Variants in PRKCQ observed in about 807,000 individuals in gnomAD.
The protein encoded by PRKCQ is protein kinase C theta, also known as protein kinase C theta type.
A neutral mutation model predicts 91.2 loss-of-function variants in PRKCQ; 41 were observed. The observed-to-expected ratio is 0.45, with a 90% confidence interval of 0.35 to 0.58. PRKCQ has a LOEUF of 0.58. PRKCQ is among the 20% of genes least tolerant of loss of function. The pLI is 0.00. For synonymous variants in PRKCQ, 307 were observed against 316.9 expected (o/e 0.97, Z 0.33); for missense variants, 673 against 896.5 (o/e 0.75, Z 3.18).
intron 12 of PRKCQ, among the ~76,000 whole-genome samples, chr10:6,477,198 CT>C (rs1836315355): frequency 6.6e-6 from 1 of 152,206 alleles, no homozygotes; most frequent in African/African-American, 2.4e-5. Flanking sequence ...TACTTTGTGT[CT>C]GCCTTCTGAT....
intron 1 of PRKCQ, among the ~76,000 whole-genome samples, chr10:6,533,622 C>G (rs898990476): frequency 4.8e-4 from 73 of 152,210 alleles, no homozygotes; most frequent in African/African-American, 1.6e-3. Flanking sequence ...TCTCCCAGCC[C>G]TAATAGGTAT....
At chr10:6,449,840 A>G (rs1192829768) in intron 15 of PRKCQ, among the ~76,000 whole-genome samples, 1 of 152,238 alleles carries the variant, frequency 6.6e-6, no homozygotes, top group African/African-American at 2.4e-5. Flanking sequence ...ACTAAGCTTC[A>G]TAAGTGAAGG....
At chr10:6,525,781 T>G (rs1839177002) in intron 1 of PRKCQ, among the ~76,000 whole-genome samples, 1 of 152,198 alleles carries the variant, frequency 6.6e-6, no homozygotes, top group African/African-American at 2.4e-5. Flanking sequence ...GAGGGGGATC[T>G]GCTGGAGGCC....
intron 8 of PRKCQ, among the ~76,000 whole-genome samples, chr10:6,487,819 GAA>G (rs1457828638): frequency 6.6e-6 from 1 of 151,954 alleles, no homozygotes; most frequent in Admixed American, 6.6e-5. Context: ...CCAACATGGT[GAA>G]ACCTCATCTC....
At chr10:6,535,268 C>T (rs761572638) in intron 1 of PRKCQ, among the ~76,000 whole-genome samples, 5 of 152,138 alleles carry the variant, frequency 3.3e-5, no homozygotes, top group Non-Finnish European at 7.4e-5. Flanking sequence ...ATCAGGAGTT[C>T]CATATGTGGA....
At chr10:6,428,956 A>C (rs890148841) in intron 17 of PRKCQ, among the ~76,000 whole-genome samples, 1 of 152,224 alleles carries the variant, frequency 6.6e-6, no homozygotes, top group Non-Finnish European at 1.5e-5. Flanking sequence ...TGGCAAAAAA[A>C]CCAAAACCAA....
rs538269471 is a variant in PRKCQ, at chr10:6,526,962, T to C, written c.-9-11818A>G. Among the ~76,000 whole-genome samples, 92 of 152,238 alleles carry C rather than the reference T, an allele frequency of 6.0e-4. 1 individual carries two copies. Among genetic ancestry groups the C allele is most frequent in the African/African-American group, 2.0e-3 (85 of 41,548 alleles). ...GAAGGACCCTGGCAGCGTGCAGGGA[T>C]TCCGATATCTCTTGATGGGATGTAC... On this transcript the variant is annotated intron_variant, in intron 1 of 17. Transcript: ENST00000263125.
Position 6,479,124 on chromosome 10 carries a change from T to C in PRKCQ, c.1221A>G (p.Ala407=), listed in dbSNP as rs898480598. 3 of 1,614,026 alleles carry C rather than the reference T, an allele frequency of 1.9e-6. No homozygotes were observed. Among genetic ancestry groups the C allele is most frequent in the Non-Finnish European group, 2.5e-6 (3 of 1,180,018 alleles). Reference sequence around the variant, plus strand: ...CCACATCTTTCTTTAAGGCCTTTATTGCGAAAAATTGATTGGTTTTCTTGA... The same window carrying C: ...CCACATCTTTCTTTAAGGCCTTTATCGCGAAAAATTGATTGGTTTTCTTGA... ...AEFKKTNQFF[A]IKALKKDVVL... is the part of the protein sequence containing the mutation. Residue 407 remains alanine, a synonymous_variant, in exon 12 of 18, where the codon GCA becomes GCG. Coordinates refer to ENST00000263125, the MANE Select transcript of PRKCQ (RefSeq NM_006257.5).
At chr10:6,546,375 G>A (rs540744913) in intron 1 of PRKCQ, among the ~76,000 whole-genome samples, 1 of 152,314 alleles carries the variant, frequency 6.6e-6, no homozygotes, top group Non-Finnish European at 1.5e-5. Context: ...AGAGCAAGAT[G>A]AGGTTGCAGA....
chr10:6,433,554 A>G (rs1833523119), intron 16 of PRKCQ, among the ~76,000 whole-genome samples: 1 of 152,140 alleles, frequency 6.6e-6, no homozygotes, highest in Non-Finnish European at 1.5e-5. Flanking sequence ...TCAGCATAGA[A>G]AAGAAGCACC....
intron 1 of PRKCQ, among the ~76,000 whole-genome samples, chr10:6,543,343 G>A (rs7916401): frequency 1.3e-5 from 2 of 152,170 alleles, no homozygotes; most frequent in African/African-American, 2.4e-5. Context: ...TCAGCTGAGC[G>A]CAGTCTGGTC....
At chr10:6,545,361 G>T (rs771271407) in intron 1 of PRKCQ, among the ~76,000 whole-genome samples, 1 of 152,224 alleles carries the variant, frequency 6.6e-6, no homozygotes, top group South Asian at 2.1e-4. Context: ...TTTTACAGAA[G>T]AGGCAATGGA....
the PRKCQ span, among the ~76,000 whole-genome samples, chr10:6,403,604 G>A: frequency 6.6e-6 from 1 of 152,112 alleles, no homozygotes; most frequent in African/African-American, 2.4e-5. Flanking sequence ...ATGGCCTGAG[G>A]AAGCTTTGGA....
chr10:6,430,452 T>C lies in PRKCQ; in HGVS notation c.1965+358A>G, dbSNP rs1328959591. ...TAGGATGCAGGGTTTATGTCCAAGT[T>C]TGGGTTACCCAGACTGGACCATTAA... On this transcript the variant is annotated intron_variant, in intron 17 of 17. Coordinates refer to ENST00000263125, the MANE Select transcript of PRKCQ (RefSeq NM_006257.5). This position sits in a 1 kb window ranked among gnomAD's most constrained non-coding sequence, Gnocchi z 4.7. Among the ~76,000 whole-genome samples the C allele has an allele frequency of 2.0e-5, 3 of 152,202 alleles. No homozygotes were observed. Among genetic ancestry groups the C allele is most frequent in the Non-Finnish European group, 4.4e-5 (3 of 68,042 alleles).
At chr10:6,442,215 T>C (rs1834006731) in intron 15 of PRKCQ, 134 bp from the exon 16 acceptor site, 6 of 863,264 alleles carry the variant, frequency 7.0e-6, no homozygotes, top group Non-Finnish European at 3.4e-6. Flanking sequence ...CTGAAACCCA[T>C]CTCTTGGGAA....
intron 14 of PRKCQ, among the ~76,000 whole-genome samples, chr10:6,459,724 A>G (rs1443261009): frequency 1.3e-5 from 2 of 152,224 alleles, no homozygotes; most frequent in Admixed American, 6.5e-5. Context: ...TGATGCAGCC[A>G]CAAGCCAAGG....
At chr10:6,474,223 A>G (rs1295246411) in intron 12 of PRKCQ, among the ~76,000 whole-genome samples, 7 of 152,220 alleles carry the variant, frequency 4.6e-5, no homozygotes, top group African/African-American at 7.2e-5. Context: ...GAATCCAGGA[A>G]CACTAGCGTT....
chr10:6,553,528 A>G (rs1210130345), intron 1 of PRKCQ, among the ~76,000 whole-genome samples: 3 of 150,270 alleles, frequency 2.0e-5, no homozygotes, highest in African/African-American at 5.0e-5. Flanking sequence ...CAAACAAACA[A>G]AAGAAGAAGA....
chr10:6,444,993 G>A (rs898113193), intron 15 of PRKCQ, among the ~76,000 whole-genome samples: 1 of 151,800 alleles, frequency 6.6e-6, no homozygotes, highest in African/African-American at 2.4e-5. Context: ...GTGTGGTGGC[G>A]CACGCCTGTA....
Sources: gnomAD v4.1 joint callset for allele counts (sites outside exome capture counted in the v4.1 genomes callset) on GRCh38, gnomAD v4.1.1 for gene constraint, Gnocchi (gnomAD v3.1) non-coding constraint, MANE v1.5 for transcripts, NCBI Gene and HGNC (gene_info 2026-07-23, HGNC 2026-07-21) for gene names.